The following DGKB variants were observed in gnomAD, a reference collection of about 807,000 sequenced individuals.
The protein encoded by DGKB is 90 kDa diacylglycerol kinase.
A neutral mutation model predicts 114.3 loss-of-function variants in DGKB; 67 were observed. The observed-to-expected ratio is 0.59, with a 90% CI of 0.48 to 0.72. The LOEUF is 0.72. Ranked by LOEUF, DGKB falls within the 30% of genes least tolerant of loss-of-function variation. DGKB has a pLI of 0.00. For missense variants in DGKB, 907 were observed against 975.2 expected, an observed-to-expected ratio of 0.93 and a Z score of 0.93; for synonymous variants, 398 against 323.1, an observed-to-expected ratio of 1.23 and a Z score of -2.49.
intron 2 of DGKB, among the ~76,000 whole-genome samples, chr7:14,776,700 A>AG (rs1586423133): frequency 6.6e-6 from 1 of 152,254 alleles, no homozygotes; most frequent in East Asian, 1.9e-4. Context: ...ATGTCCAGGC[A>AG]GAAGTCTGCT....
rs1256537857 is a variant in DGKB at position 14,800,736 on chromosome 7, G to T, written c.70+40458C>A. ...ACTGAACTGGAAGTTAAGACTGCCA[G>T]GCCACTTGGACTTTTCATGCCTTTG... On this transcript the variant is annotated intron_variant, in intron 2 of 25. Transcript: ENST00000402815. Among the ~76,000 whole-genome samples the T allele has an allele frequency of 2.0e-5, 3 of 152,184 alleles. No individual in the cohort carries two copies. In the East Asian group the frequency reaches 5.8e-4, roughly 29 times the overall value.
chr7:14,291,538 C>T (rs990487909), intron 23 of DGKB, among the ~76,000 whole-genome samples: 7 of 152,146 alleles, frequency 4.6e-5, no homozygotes, highest in African/African-American at 1.7e-4. Context: ...TCAGTGAATT[C>T]TCCTATCTTT....
chr7:14,537,284 TC>T (rs1792661510), intron 20 of DGKB, among the ~76,000 whole-genome samples: 1 of 152,096 alleles, frequency 6.6e-6, no homozygotes, highest in Non-Finnish European at 1.5e-5. Context: ...TATCAAAATA[TC>T]AAAGATATTT....
intron 25 of DGKB, among the ~76,000 whole-genome samples, chr7:14,160,390 C>T (rs1002826393): frequency 6.6e-6 from 1 of 152,098 alleles, no homozygotes; most frequent in Non-Finnish European, 1.5e-5. Context: ...TGTCTCAGCC[C>T]CAAAACTCCT....
chr7:14,825,085 T>C (rs1020932704), intron 2 of DGKB, among the ~76,000 whole-genome samples: 6 of 145,384 alleles, frequency 4.1e-5, no homozygotes, highest in South Asian at 2.2e-4. Flanking sequence ...CAGAGATATA[T>C]AGAGCATTAA....
chr7:14,584,738 A>C (rs1001916736), intron 17 of DGKB, among the ~76,000 whole-genome samples: 2 of 151,630 alleles, frequency 1.3e-5, no homozygotes, highest in South Asian at 4.2e-4. Context: ...GACTCACTGC[A>C]ACCTCCTCCT....
At chr7:14,186,284 C>G (rs1268575065) in intron 23 of DGKB, among the ~76,000 whole-genome samples, 1 of 152,100 alleles carries the variant, frequency 6.6e-6, no homozygotes, top group Non-Finnish European at 1.5e-5. Flanking sequence ...TACTAATGAT[C>G]AGGAAATGCA....
intron 2 of DGKB, among the ~76,000 whole-genome samples, chr7:14,765,121 C>T (rs1836268864): frequency 6.6e-6 from 1 of 151,924 alleles, no homozygotes; most frequent in Non-Finnish European, 1.5e-5. Context: ...GAAATCTATA[C>T]ACTTGGATTT....
chr7:14,400,489 A>T (rs987654982), intron 21 of DGKB, among the ~76,000 whole-genome samples: 1 of 151,852 alleles, frequency 6.6e-6, no homozygotes, highest in Non-Finnish European at 1.5e-5. Flanking sequence ...GCCAGTGTAG[A>T]AATAGCATTA....
intron 1 of DGKB, among the ~76,000 whole-genome samples, chr7:14,855,934 T>G (rs1476128537): frequency 6.6e-6 from 1 of 151,700 alleles, no homozygotes; most frequent in Non-Finnish European, 1.5e-5. Context: ...ATATTGCTAC[T>G]TTTCTAGTAA....
Position 14,574,236 on chromosome 7 carries a change from G to T in DGKB, c.1746C>A (p.Ile582=), listed in dbSNP as rs373705765. The T allele has an allele frequency of 2.5e-6, 4 of 1,612,994 alleles. No individual in the cohort carries two copies. The East Asian group carries it at 8.9e-5, about 36-fold the overall frequency. The change falls in exon 20 of 26, where the codon ATC becomes ATA. Residue 582 remains isoleucine (I), a synonymous_variant. Transcript: ENST00000402815. ...EKGDPVPYSI[I]NNYFSIGVDA... ...CCACGCCAATGGAAAAGTAATTATT[G>T]ATGATACTGTAAGGCACTGGGTCTC...
At chr7:14,359,102 A>T (rs1583395976) in intron 21 of DGKB, among the ~76,000 whole-genome samples, 1 of 128,454 alleles carries the variant, frequency 7.8e-6, no homozygotes, top group East Asian at 2.2e-4. Context: ...ACCAAAACAG[A>T]TATATATATA....
intron 23 of DGKB, among the ~76,000 whole-genome samples, chr7:14,266,249 AT>A (rs1266685360): frequency 1.3e-5 from 2 of 152,288 alleles, no homozygotes; most frequent in African/African-American, 4.8e-5. Flanking sequence ...GATTCTAAGA[AT>A]TTTGCTATTA....
intron 21 of DGKB, among the ~76,000 whole-genome samples, chr7:14,449,556 A>G (rs116208310): frequency 6.6e-6 from 1 of 151,890 alleles, no homozygotes; most frequent in East Asian, 1.9e-4. Flanking sequence ...CTCCTAAAAA[A>G]CCATCTGCTC....
At chr7:14,859,696 C>A (rs761640743) in intron 1 of DGKB, among the ~76,000 whole-genome samples, 21 of 152,064 alleles carry the variant, frequency 1.4e-4, no homozygotes, top group Non-Finnish European at 2.8e-4. Context: ...TATCTTGATG[C>A]AACATTTACT....
At chr7:14,180,917 C>CTAA (rs1240846367) in intron 23 of DGKB, among the ~76,000 whole-genome samples, 1 of 152,124 alleles carries the variant, frequency 6.6e-6, no homozygotes. Context: ...CTAGATCAAC[C>CTAA]TATTTAATTG....
intron 20 of DGKB, among the ~76,000 whole-genome samples, chr7:14,483,091 T>A (rs1783229633): frequency 6.6e-6 from 1 of 151,976 alleles, no homozygotes; most frequent in South Asian, 2.1e-4. Flanking sequence ...ATAAATTATG[T>A]TTTTTATTAC....
At chr7:14,590,516 C>A (rs1166748861) in intron 17 of DGKB, among the ~76,000 whole-genome samples, 1 of 152,048 alleles carries the variant, frequency 6.6e-6, no homozygotes, top group Non-Finnish European at 1.5e-5. Flanking sequence ...CAGCATCCTA[C>A]CCCCAAACAT....
At chr7:14,948,505 T>C (rs946034564) in intron 1 of DGKB, among the ~76,000 whole-genome samples, 1 of 151,786 alleles carries the variant, frequency 6.6e-6, no homozygotes, top group Non-Finnish European at 1.5e-5. Context: ...CACCTTAAGA[T>C]ATAAGCAATC....
Sources: allele counts gnomAD v4.1 joint callset (sites outside exome capture counted in the v4.1 genomes callset), GRCh38; gene constraint gnomAD v4.1.1; transcripts MANE v1.5; gene names NCBI Gene and HGNC (gene_info 2026-07-23, HGNC 2026-07-21).